ALDH1L1: variants seen among roughly 807,000 people sequenced by gnomAD.
The protein encoded by ALDH1L1 is aldehyde dehydrogenase 1 family member L1, also known as cytosolic 10-formyltetrahydrofolate dehydrogenase.
In ALDH1L1, 68 loss-of-function variants were observed where a neutral mutation model predicts 101.1. That is an observed-to-expected ratio of 0.67 (90% CI 0.55 to 0.82). The LOEUF (loss-of-function observed/expected upper bound fraction) is 0.82, where lower values mean the gene tolerates loss of function less well. ALDH1L1 is among the 40% of genes least tolerant of loss of function. The pLI, the probability that ALDH1L1 is intolerant of heterozygous loss-of-function variation, is 0.00. For missense variants in ALDH1L1, 1,087 were observed against 1,172.7 expected (o/e 0.93, Z 1.07); for synonymous variants, 486 against 470.8 (o/e 1.03, Z -0.42).
Position 126,146,889 on chromosome 3 carries a change from A to G in ALDH1L1, c.1022T>C (p.Val341Ala). ...CTTGAAGAAATCAGTGGAGTCTTCAACCTCCAGGACTTTGGGGAGGATCCG... is the reference window on the plus strand; with the variant it reads ...CTTGAAGAAATCAGTGGAGTCTTCAGCCTCCAGGACTTTGGGGAGGATCCG... Reference protein sequence around the residue: ...WQRILPKVLEVEDSTDFFKSG... With the variant: ...WQRILPKVLEAEDSTDFFKSG... The change falls in exon 9 of 23, where the codon GTT (valine) becomes GCT (alanine). Residue 341 changes from valine to alanine, a missense_variant. Physicochemically the swap from Val to Ala is moderately conservative, Grantham distance 64. Around this residue, in one of 2 missense-constraint regions of ALDH1L1, gnomAD observed 645 missense variants for 637.0 expected, o/e 1.01. Coordinates refer to ENST00000393434, the MANE Select transcript of ALDH1L1 (RefSeq NM_012190.4). The G allele has an allele frequency of 6.2e-7, 1 of 1,613,930 alleles. No individual in the cohort carries two copies.
intron 14 of ALDH1L1, among the ~76,000 whole-genome samples, chr3:126,127,596 G>C (rs546743568): frequency 1.3e-5 from 2 of 152,170 alleles, no homozygotes; most frequent in African/African-American, 4.8e-5. Context: ...TAGGGAGCTC[G>C]AGTGGCTGTT....
chr3:126,134,253 G>A (rs562952890), intron 12 of ALDH1L1, among the ~76,000 whole-genome samples: 1 of 152,050 alleles, frequency 6.6e-6, no homozygotes, highest in South Asian at 2.1e-4. Flanking sequence ...ACAGGAAGGG[G>A]TCCACTTACA....
rs140817621 is a variant in ALDH1L1 at position 126,117,197 on chromosome 3, C to T, written c.1982+808G>A. Among the ~76,000 whole-genome samples, 258 of 148,692 alleles carry T rather than the reference C, an allele frequency of 1.7e-3. 9 individuals carry two copies. Among genetic ancestry groups the T allele is most frequent in the African/African-American group, 5.8e-3 (234 of 40,132 alleles). ...GAGGCAGAGGCTGCAGCCATGATCA[C>T]GACACTGCACTCCAGCCTGGGTGAC... On this transcript the variant is annotated intron_variant, in intron 17 of 22. Transcript: ENST00000393434.
intron 1 of ALDH1L1, among the ~76,000 whole-genome samples, chr3:126,191,558 G>A (rs763517106): frequency 7.2e-5 from 11 of 152,214 alleles, no homozygotes; most frequent in African/African-American, 1.2e-4. Flanking sequence ...GCAGGTTCTG[G>A]TGCTGCATTC....
At chr3:126,145,475 T>C (rs113671410) in intron 9 of ALDH1L1, among the ~76,000 whole-genome samples, 1 of 152,190 alleles carries the variant, frequency 6.6e-6, no homozygotes, top group Non-Finnish European at 1.5e-5. Flanking sequence ...ATATGGTCTA[T>C]CTGTACAATG....
At chr3:126,175,035 T>C (rs1010709680) in intron 1 of ALDH1L1, among the ~76,000 whole-genome samples, 11 of 152,058 alleles carry the variant, frequency 7.2e-5, no homozygotes, top group Non-Finnish European at 2.9e-5. Context: ...AGACTCAAAT[T>C]ACTAATATCA....
chr3:126,146,778 AG>A, intron 9 of ALDH1L1, 56 bp downstream of exon 9: 1 of 1,572,338 alleles, frequency 6.4e-7, no homozygotes, highest in South Asian at 1.1e-5. Context: ...AGTTTTGCAG[AG>A]ATTTGTGACA....
chr3:126,159,385 T>C (rs1465626377), intron 2 of ALDH1L1: 1 of 456,254 alleles, frequency 2.2e-6, no homozygotes, highest in Non-Finnish European at 4.4e-6. Context: ...AGCCTTACAG[T>C]GGCAGCTGCT....
Position 126,125,662 on chromosome 3 carries a change from G to C in ALDH1L1, c.1754C>G (p.Ala585Gly). Residue 585 changes from alanine to glycine, a missense_variant, in exon 15 of 23, where the codon GCT becomes GGT. By Grantham distance (60) the Ala-to-Gly change is moderately conservative. Around this residue, in one of 2 missense-constraint regions of ALDH1L1, gnomAD observed 442 missense variants for 535.7 expected, o/e 0.83. Transcript: ENST00000393434. ...TGTGTTCCCGGCAGCCAGGCAGGCA[G>C]CTGTCTTCCAGGACAGCATCATCAG... ...YPLMMLSWKT[A>G]ACLAAGNTVV... The C allele has an allele frequency of 6.2e-7, 1 of 1,600,060 alleles. No homozygotes were observed. Among genetic ancestry groups the C allele is most frequent in the South Asian group, 1.1e-5 (1 of 88,826 alleles).
intron 9 of ALDH1L1, among the ~76,000 whole-genome samples, chr3:126,138,766 CA>C (rs770495268): frequency 6.7e-4 from 102 of 152,286 alleles, no homozygotes; most frequent in Admixed American, 1.2e-3. Flanking sequence ...ATTTCACTCT[CA>C]AGTATTTATC....
At chr3:126,157,540 A>C (rs1306989982) in intron 3 of ALDH1L1, 32 bp from the exon 4 acceptor site, 2 of 1,605,420 alleles carry the variant, frequency 1.2e-6, no homozygotes, top group East Asian at 4.5e-5. Context: ...CCTGGAGTCC[A>C]CGATGAAGGG....
At chr3:126,194,473 G>A (rs1384075906) in intron 1 of ALDH1L1, among the ~76,000 whole-genome samples, 1 of 152,138 alleles carries the variant, frequency 6.6e-6, no homozygotes, top group African/African-American at 2.4e-5. Flanking sequence ...TTGGTATTAT[G>A]CTTAATCAGT....
chr3:126,189,437 A>G (rs961371922), intron 1 of ALDH1L1, among the ~76,000 whole-genome samples: 4 of 152,146 alleles, frequency 2.6e-5, no homozygotes, highest in Non-Finnish European at 4.4e-5. Flanking sequence ...AGTCTACAAC[A>G]GGTGTGCACT....
chr3:126,144,839 T>C (rs569597634), intron 9 of ALDH1L1, among the ~76,000 whole-genome samples: 1 of 152,306 alleles, frequency 6.6e-6, no homozygotes, highest in South Asian at 2.1e-4. Context: ...AGCAAAAATA[T>C]ACAAGTCATA....
chr3:126,186,246 C>T (rs1052759957), upstream of ALDH1L1, among the ~76,000 whole-genome samples: 2 of 152,240 alleles, frequency 1.3e-5, no homozygotes, highest in African/African-American at 4.8e-5. Flanking sequence ...CATCAGCCAT[C>T]ACCATAATTG....
In ALDH1L1 at chr3:126,112,647, C is replaced by A. The variant is rs1304814153; in HGVS notation, c.2181+135G>T. On this transcript the variant is annotated intron_variant, in intron 19 of 22. Transcript: ENST00000393434. ...ACAGCTCCCGCTGTGGGTTCCCTGA[C>A]CCCCGGGGGGAGTGTCCTCCAGGAG... The A allele has an allele frequency of 1.8e-5, 14 of 768,800 alleles. No homozygotes were observed. The Admixed American group carries it at 3.1e-4, about 17-fold the overall frequency. 47.6% of individuals were successfully genotyped at this position (768,800 alleles called of 1,614,324 possible).
At chr3:126,137,782 G>C (rs772411183) in intron 10 of ALDH1L1, 31 bp downstream of exon 10, 1 of 1,607,878 alleles carries the variant, frequency 6.2e-7, no homozygotes, top group Non-Finnish European at 8.5e-7. Context: ...GGGCTCTGCA[G>C]GGCCTGCTGC....
rs1446546969 is a variant in ALDH1L1, at chr3:126,150,481, C to T, written c.909G>A (p.Ser303=). ...TGCTGGCTGCCCCCTTAAAGAAGTT[C>T]GAGGCCAGGATCATTTTGCCATCCT... ...QLEDGKMILA[S]NFFKGAASSV... Residue 303 remains serine (S), a synonymous_variant, in exon 8 of 23, where the codon TCG becomes TCA. Coordinates refer to ENST00000393434, the MANE Select transcript of ALDH1L1 (RefSeq NM_012190.4). 16 of 1,551,474 alleles carry T rather than the reference C, an allele frequency of 1.0e-5. No homozygotes were observed. Among genetic ancestry groups the T allele is most frequent in the African/African-American group, 4.1e-5 (3 of 73,042 alleles).
intron 9 of ALDH1L1, among the ~76,000 whole-genome samples, chr3:126,138,533 CA>C (rs1188647990): frequency 6.6e-6 from 1 of 152,160 alleles, no homozygotes; most frequent in African/African-American, 2.4e-5. Flanking sequence ...ACAAGACACT[CA>C]ACATCATTAG....
Sources: allele counts gnomAD v4.1 joint callset (sites outside exome capture counted in the v4.1 genomes callset), GRCh38; gene constraint gnomAD v4.1.1; regional missense constraint gnomAD v4.1.1; transcripts MANE v1.5; gene names NCBI Gene and HGNC (gene_info 2026-07-23, HGNC 2026-07-21).